ESR2: variants seen among roughly 807,000 people sequenced by gnomAD.
The protein encoded by ESR2 is estrogen receptor 2, also known as estrogen receptor beta.
ESR2 carries 36 observed loss-of-function variants against 49.6 expected under a neutral mutation model. The observed-to-expected ratio is 0.73, with a 90% confidence interval of 0.56 to 0.96. The LOEUF is 0.96. Ranked by LOEUF, ESR2 falls within the 40% of genes least tolerant of loss-of-function variation. The pLI, the probability that ESR2 is intolerant of heterozygous loss-of-function variation, is 0.00. For synonymous variants in ESR2, 320 were observed against 266.1 expected, an observed-to-expected ratio of 1.20 and a Z score of -1.97; for missense variants, 714 against 693.0, an observed-to-expected ratio of 1.03 and a Z score of -0.34.
At chr14:64,256,667 T>C (rs1451753564) in intron 6 of ESR2, among the ~76,000 whole-genome samples, 1 of 151,726 alleles carries the variant, frequency 6.6e-6, no homozygotes, top group Non-Finnish European at 1.5e-5. Context: ...AGGCGGAGGT[T>C]GCAGTGAGCC....
At chr14:64,279,959 G>A in intron 3 of ESR2, 22 bp downstream of exon 3, 10 of 1,592,656 alleles carry the variant, frequency 6.3e-6, no homozygotes, top group Non-Finnish European at 8.6e-6. Flanking sequence ...AACTAAAGAA[G>A]CAGTTAACAA....
intron 2 of ESR2, among the ~76,000 whole-genome samples, chr14:64,281,867 A>T (rs917702409): frequency 1.3e-5 from 2 of 152,258 alleles, no homozygotes; most frequent in African/African-American, 4.8e-5. Flanking sequence ...TATACCAATC[A>T]TCTATCTTTT....
chr14:64,271,325 T>C (rs1431344243), intron 3 of ESR2, among the ~76,000 whole-genome samples: 1 of 50,982 alleles, frequency 2.0e-5, no homozygotes, highest in East Asian at 3.2e-4. Context: ...TCAATTGTTT[T>C]CTTTCTTTTT....
chr14:64,230,803 C>T lies in ESR2; in HGVS notation c.*2334G>A, dbSNP rs867947639. 1.3e-5 allele frequency: 2 copies of T among 150,036 alleles called. No homozygotes were observed. The highest frequency in any genetic ancestry group is 3.0e-5 in the Non-Finnish European group (2 of 67,778). 9.3% of individuals were successfully genotyped at this position (150,036 alleles called of 1,614,324 possible). A position where few individuals can be genotyped will look rare whatever the true frequency, so the allele number is the denominator to read the frequency against. On this transcript the variant is annotated 3_prime_UTR_variant, in exon 9 of 9. Transcript: ENST00000341099. ...CGAGGCTCTAAAGGGATTGCCATTG[C>T]CAGTTCACTCCCAGGAGTAGAAGTG...
rs2075887465 is a variant in ESR2, at chr14:64,247,446, A to C, written c.1225+2100T>G. Among the ~76,000 whole-genome samples, 5 of 152,348 alleles carry C rather than the reference A, an allele frequency of 3.3e-5. No individual in the cohort carries two copies. In the South Asian group the frequency reaches 8.3e-4, roughly 25 times the overall value. ...GAGGCAGCTGGAAACATGTGACCAC[A>C]GTGAATTCTGCATTGAATCTTGGCT... On this transcript the variant is annotated intron_variant, in intron 7 of 8. Transcript: ENST00000341099.
chr14:64,245,998 T>A (rs2075848266), intron 7 of ESR2, among the ~76,000 whole-genome samples: 1 of 152,182 alleles, frequency 6.6e-6, no homozygotes, highest in Non-Finnish European at 1.5e-5. Context: ...TGGTAGGTGG[T>A]TTGGAAAAGG....
chr14:64,257,617 C>T (rs369229886), intron 5 of ESR2, among the ~76,000 whole-genome samples: 16 of 152,318 alleles, frequency 1.1e-4, no homozygotes, highest in South Asian at 6.2e-4. Flanking sequence ...ACTACGACCT[C>T]GGCTCAGAAC....
intron 1 of ESR2, among the ~76,000 whole-genome samples, chr14:64,285,835 AAAAAAAAGAAAAAG>A (rs1193039128): frequency 2.0e-5 from 3 of 151,306 alleles, no homozygotes; most frequent in African/African-American, 7.3e-5. Flanking sequence ...TCAAAAAAAA[AAAAAAAAGAAAAAG>A]AAAAAGAAAA....
intron 7 of ESR2, among the ~76,000 whole-genome samples, chr14:64,246,781 A>ACTTTC (rs1378144227): frequency 4.1e-4 from 58 of 142,302 alleles, no homozygotes; most frequent in African/African-American, 1.5e-3. Flanking sequence ...ACCTGGCTGG[A>ACTTTC]CTTTCCTTAT....
At chr14:64,260,845 A>G in intron 4 of ESR2, 97 bp from the exon 5 acceptor site, 1 of 1,143,658 alleles carries the variant, frequency 8.7e-7, no homozygotes, top group South Asian at 1.9e-5. Context: ...TGGGGCACGT[A>G]CCAAAGATTA....
At chr14:64,267,841 G>A (rs2076362305) in intron 4 of ESR2, among the ~76,000 whole-genome samples, 1 of 148,720 alleles carries the variant, frequency 6.7e-6, no homozygotes, top group Non-Finnish European at 1.5e-5. Context: ...CTGAGAATGG[G>A]CCACTGCACT....
chr14:64,252,213 T>C (rs1412772309), intron 6 of ESR2, among the ~76,000 whole-genome samples: 1 of 151,398 alleles, frequency 6.6e-6, no homozygotes, highest in Non-Finnish European at 1.5e-5. Flanking sequence ...CTCAGGGGGC[T>C]GAAGCAAAAG....
intron 7 of ESR2, among the ~76,000 whole-genome samples, chr14:64,239,298 CTA>C (rs952899118): frequency 6.6e-6 from 1 of 152,210 alleles, no homozygotes; most frequent in Non-Finnish European, 1.5e-5. Context: ...CAGCATCCAT[CTA>C]TGTCTTTGTC....
chr14:64,288,916 G>A (rs994984471), intron 1 of ESR2, among the ~76,000 whole-genome samples: 5 of 150,364 alleles, frequency 3.3e-5, no homozygotes, highest in Non-Finnish European at 7.4e-5. Context: ...AACCCAGGAG[G>A]TGGAGGTTGC....
intron 1 of ESR2, among the ~76,000 whole-genome samples, chr14:64,302,595 C>A (rs896975124): frequency 1.3e-5 from 2 of 152,110 alleles, no homozygotes; most frequent in African/African-American, 4.8e-5. Flanking sequence ...ACACAAGCCA[C>A]TGGGTGATTT....
At chr14:64,330,318 A>C (rs2077440400) in intron 1 of ESR2, 1 of 152,482 alleles carries the variant, frequency 6.6e-6, no homozygotes, top group Non-Finnish European at 1.5e-5. Flanking sequence ...AATCCCAGCT[A>C]CTCAGGAGGC....
At chr14:64,336,167 T>C (rs2077529881) in intron 1 of ESR2, 1 of 152,132 alleles carries the variant, frequency 6.6e-6, no homozygotes. Flanking sequence ...TTTATAAATA[T>C]ATATGTGTAC....
At chr14:64,335,784 C>A (rs1462055270) in intron 1 of ESR2, 1 of 148,248 alleles carries the variant, frequency 6.7e-6, no homozygotes, top group Non-Finnish European at 1.5e-5. Flanking sequence ...GTAAACAATG[C>A]TGTGATAAAC....
intron 5 of ESR2, among the ~76,000 whole-genome samples, chr14:64,259,878 C>T (rs567061849): frequency 4.6e-5 from 7 of 152,290 alleles, no homozygotes; most frequent in African/African-American, 1.7e-4. Context: ...CTGTACTCTA[C>T]CCCACCCCTC....
Sources: allele counts gnomAD v4.1 joint callset (sites outside exome capture counted in the v4.1 genomes callset), GRCh38; gene constraint gnomAD v4.1.1; transcripts MANE v1.5; gene names NCBI Gene and HGNC (gene_info 2026-07-23, HGNC 2026-07-21).